SPATS1: variants seen among roughly 807,000 people sequenced by gnomAD.
SPATS1 encodes spermatogenesis-associated serine-rich protein 1.
SPATS1 carries 23 observed loss-of-function variants against 33.6 expected under a neutral mutation model. The ratio of observed to expected loss-of-function variants is 0.68; its 90% CI spans 0.49 to 0.97. The LOEUF (loss-of-function observed/expected upper bound fraction) is 0.97, where lower values mean the gene tolerates loss of function less well. Among genes scored for constraint, SPATS1 ranks in the 50% least tolerant of loss-of-function variants. The pLI is 0.00. For synonymous variants in SPATS1, 131 were observed against 125.6 expected, an observed-to-expected ratio of 1.04 and a Z score of -0.29; for missense variants, 327 against 361.0, an observed-to-expected ratio of 0.91 and a Z score of 0.76.
chr6:44,356,303 C>T (rs1456888053), intron 3 of SPATS1, among the ~76,000 whole-genome samples: 1 of 152,220 alleles, frequency 6.6e-6, no homozygotes, highest in Non-Finnish European at 1.5e-5. Flanking sequence ...TCTACTCCAT[C>T]TATATTACCA....
At chr6:44,344,098 A>T (rs1787729317) in intron 2 of SPATS1, among the ~76,000 whole-genome samples, 1 of 152,228 alleles carries the variant, frequency 6.6e-6, no homozygotes, top group South Asian at 2.1e-4. Context: ...TGTCTGCAAC[A>T]GCAAGGAGAA....
intron 6 of SPATS1, among the ~76,000 whole-genome samples, chr6:44,369,103 A>C: frequency 6.6e-6 from 1 of 152,136 alleles, no homozygotes. Context: ...TCACCATGTT[A>C]GCCAGGATGG....
chr6:44,354,665 T>G (rs1315151472), intron 3 of SPATS1, among the ~76,000 whole-genome samples: 2 of 151,892 alleles, frequency 1.3e-5, no homozygotes, highest in Non-Finnish European at 2.9e-5. Flanking sequence ...TGCACCAGAG[T>G]GGGACATTTA....
intron 6 of SPATS1, among the ~76,000 whole-genome samples, 193 bp downstream of exon 6, chr6:44,368,692 C>T (rs1789395552): frequency 6.6e-6 from 1 of 152,104 alleles, no homozygotes. Context: ...ACACACAGGA[C>T]TTGGACTACA....
At chr6:44,349,557 A>G (rs1328219357) in intron 2 of SPATS1, among the ~76,000 whole-genome samples, 1 of 152,204 alleles carries the variant, frequency 6.6e-6, no homozygotes, top group Admixed American at 6.5e-5. Context: ...ATAAGTATAA[A>G]ATAAAAATTC....
chr6:44,365,178 A>G (rs1583090263), intron 5 of SPATS1, among the ~76,000 whole-genome samples: 1 of 152,220 alleles, frequency 6.6e-6, no homozygotes, highest in African/African-American at 2.4e-5. Flanking sequence ...ACGCATTATT[A>G]TATCAAAAAA....
At chr6:44,364,230 T>C (rs1218498743) in intron 5 of SPATS1, among the ~76,000 whole-genome samples, 1 of 152,236 alleles carries the variant, frequency 6.6e-6, no homozygotes, top group Non-Finnish European at 1.5e-5. Context: ...TAATATCATA[T>C]TTTAAAAATT....
At chr6:44,376,289 C>G (rs918265747) in intron 7 of SPATS1, 69 bp from the exon 8 acceptor site, 39 of 932,844 alleles carry the variant, frequency 4.2e-5, no homozygotes, top group Non-Finnish European at 6.1e-5. Flanking sequence ...CACATAATTT[C>G]TTATCCGCTG....
intron 1 of SPATS1, 112 bp from the exon 2 acceptor site, chr6:44,342,984 T>A: frequency 7.0e-7 from 1 of 1,421,350 alleles, no homozygotes; most frequent in Non-Finnish European, 9.6e-7. Context: ...AGTCCTGCCC[T>A]CCTGACTTTC....
Position 44,370,055 on chromosome 6 carries a change from C to A in SPATS1, c.700C>A (p.Pro234Thr). The change falls in exon 7 of 9, where the codon CCT becomes ACT. Residue 234 changes from proline (P) to threonine (T), a missense_variant. Physicochemically the swap from Pro to Thr is conservative, Grantham distance 38 (BLOSUM62 -1). Transcript: ENST00000674044. Reference protein sequence around the residue: ...MLPPVNFSIVPYEKKFDTFIP... With the variant: ...MLPPVNFSIVTYEKKFDTFIP... Reference sequence around the variant, plus strand: ...ATTGCCTTTTCTGTTTTTCAGAGTGCCTTATGAAAAGAAATTTGATACATT... The same window carrying A: ...ATTGCCTTTTCTGTTTTTCAGAGTGACTTATGAAAAGAAATTTGATACATT... 6.2e-7 allele frequency: 1 copy of A among 1,611,162 alleles called. No individual in the cohort carries two copies. Among genetic ancestry groups the A allele is most frequent in the Non-Finnish European group, 8.5e-7 (1 of 1,177,902 alleles).
chr6:44,345,167 C>T (rs1390842452), intron 2 of SPATS1, among the ~76,000 whole-genome samples: 1 of 151,962 alleles, frequency 6.6e-6, no homozygotes, highest in Non-Finnish European at 1.5e-5. Context: ...CTTCTTTTAC[C>T]AGGGGAGGGG....
intron 4 of SPATS1, chr6:44,361,344 G>C (rs1472975714): frequency 2.0e-6 from 2 of 985,298 alleles, no homozygotes; most frequent in African/African-American, 1.7e-5. Context: ...AATTATCACA[G>C]GTCCATTTCC....
chr6:44,353,240 T>C (rs185592187), intron 3 of SPATS1, among the ~76,000 whole-genome samples: 198 of 152,334 alleles, frequency 1.3e-3, no homozygotes, highest in Non-Finnish European at 2.6e-3. Flanking sequence ...GATATGTACA[T>C]ACATACATGG....
chr6:44,369,051 C>T (rs970920045), intron 6 of SPATS1, among the ~76,000 whole-genome samples: 5 of 152,108 alleles, frequency 3.3e-5, no homozygotes, highest in African/African-American at 9.6e-5. Context: ...TGCCCGCCAC[C>T]ACACCTGGGT....
In SPATS1 at chr6:44,379,942, C is replaced by G. The variant is rs574856156; in HGVS notation, c.*2879C>G. On this transcript the variant is annotated 3_prime_UTR_variant, in exon 9 of 9. Coordinates refer to ENST00000674044, the MANE Select transcript of SPATS1 (RefSeq NM_001372081.1). The stretch of plus-strand genomic sequence containing the variant: ...TACATCTCGATGCCCAGGCCTTATT[C>G]CACGGCACCTCAATAGCTGTCAGGT... Among the ~76,000 whole-genome samples, 3 of 152,212 alleles carry G rather than the reference C, an allele frequency of 2.0e-5. No homozygotes were observed. In the East Asian group the frequency reaches 5.8e-4, roughly 29 times the overall value.
chr6:44,372,324 C>T (rs1048783327), intron 7 of SPATS1, among the ~76,000 whole-genome samples: 2 of 151,424 alleles, frequency 1.3e-5, no homozygotes, highest in Admixed American at 6.6e-5. Context: ...TTTCTACTGA[C>T]TGATTTTTCT....
At chr6:44,353,246 C>T (rs1788349540) in intron 3 of SPATS1, among the ~76,000 whole-genome samples, 1 of 152,124 alleles carries the variant, frequency 6.6e-6, no homozygotes, top group African/African-American at 2.4e-5. Flanking sequence ...TACATACATA[C>T]ATGGGTGGTA....
rs1260375420 is a variant in SPATS1 at position 44,378,150 on chromosome 6, T to C, written c.*1087T>C. ...ATAGCCAAGCAGGGTGAGAGCTCAG[T>C]GACCACCAGTCATGAGTTTTAGGGC... is the stretch of plus-strand genomic sequence containing the variant. On this transcript the variant is annotated 3_prime_UTR_variant, in exon 9 of 9. Coordinates refer to ENST00000674044, the MANE Select transcript of SPATS1 (RefSeq NM_001372081.1). 1 of 152,158 alleles carries C rather than the reference T, an allele frequency of 6.6e-6. No homozygotes were observed. The highest frequency in any genetic ancestry group is 1.9e-4 in the East Asian group (1 of 5,186). The allele number at this position is 152,158 out of a possible 1,614,324, so 9.4% of individuals were successfully genotyped here. A position where few individuals can be genotyped will look rare whatever the true frequency, so the allele number is the denominator to read the frequency against.
At chr6:44,347,270 T>C (rs1000910661) in intron 2 of SPATS1, among the ~76,000 whole-genome samples, 2 of 152,166 alleles carry the variant, frequency 1.3e-5, no homozygotes, top group African/African-American at 4.8e-5. Context: ...AAATACCTAA[T>C]GTAGACGACG....
Sources: gnomAD v4.1 joint callset for allele counts (sites outside exome capture counted in the v4.1 genomes callset) on GRCh38, gnomAD v4.1.1 for gene constraint, MANE v1.5 for transcripts, NCBI Gene and HGNC (gene_info 2026-07-23, HGNC 2026-07-21) for gene names.